Variants in ROCK1 observed in about 807,000 individuals in gnomAD.
ROCK1 encodes the protein rho-associated protein kinase 1.
Under a neutral mutation model 196.8 loss-of-function variants are expected in ROCK1, and 36 were observed. The ratio of observed to expected loss-of-function variants is 0.18; its 90% CI spans 0.14 to 0.24. The LOEUF is 0.24. Ranked by LOEUF, ROCK1 falls within the 10% of genes least tolerant of loss-of-function variation. The pLI is 1.00. For missense variants in ROCK1, 920 were observed against 1,562.0 expected (o/e 0.59, Z 6.93); for synonymous variants, 443 against 515.9 (o/e 0.86, Z 1.91).
intron 13 of ROCK1, among the ~76,000 whole-genome samples, chr18:21,011,209 T>C (rs541721770): frequency 1.3e-5 from 2 of 152,298 alleles, no homozygotes; most frequent in Admixed American, 6.5e-5. Context: ...GTTTTTGTTT[T>C]TTTGTTTGAT....
chr18:21,079,675 C>T (rs1377736106), intron 1 of ROCK1, among the ~76,000 whole-genome samples: 1 of 152,150 alleles, frequency 6.6e-6, no homozygotes, highest in Non-Finnish European at 1.5e-5. Context: ...CTGGAGCCCG[C>T]TTTAGCTCTG....
chr18:21,090,073 A>C lies in ROCK1; in HGVS notation c.94-19460T>G, dbSNP rs117171776. Among the ~76,000 whole-genome samples the C allele has an allele frequency of 4.6e-5, 7 of 152,326 alleles. No individual in the cohort carries two copies. The East Asian group carries it at 1.2e-3, about 25-fold the overall frequency. ...TGCACAGTTTGCAACATTAAAATTT[A>C]TTGGTCTATCTTCTACTTTGAATGG... On this transcript the variant is annotated intron_variant, in intron 1 of 32. Transcript: ENST00000399799.
At chr18:20,968,032 TTCTG>T in intron 25 of ROCK1, 92 bp from the exon 26 acceptor site, 1 of 1,174,152 alleles carries the variant, frequency 8.5e-7, no homozygotes, top group Non-Finnish European at 1.1e-6. Context: ...AAGCAGGACT[TTCTG>T]TGTGTATGAA....
chr18:21,049,723 C>T (rs113460173), intron 3 of ROCK1, 57 bp downstream of exon 3: 72 of 1,035,120 alleles, frequency 7.0e-5, no homozygotes, highest in Non-Finnish European at 1.0e-4. Flanking sequence ...GTTAAACACA[C>T]AAGTGGATTA....
intron 4 of ROCK1, 88 bp from the exon 5 acceptor site, chr18:21,045,555 AG>A: frequency 9.7e-7 from 1 of 1,026,106 alleles, no homozygotes; most frequent in African/African-American, 1.6e-5. Context: ...TGTTAATAAA[AG>A]ATTTAAGTAA....
At chr18:21,069,730 C>G (rs1201383254) in intron 2 of ROCK1, among the ~76,000 whole-genome samples, 1 of 151,966 alleles carries the variant, frequency 6.6e-6, no homozygotes, top group Admixed American at 6.6e-5. Flanking sequence ...GGGAGGTAAG[C>G]AACTGTAAAT....
At chr18:21,052,412 G>A (rs1306878619) in intron 2 of ROCK1, among the ~76,000 whole-genome samples, 1 of 152,170 alleles carries the variant, frequency 6.6e-6, no homozygotes, top group Non-Finnish European at 1.5e-5. Context: ...CCTATTTATT[G>A]TAAAGTAGTC....
rs562885545 is a variant in ROCK1, at chr18:21,044,559, C to A, written c.591-373G>T. On this transcript the variant is annotated intron_variant, in intron 5 of 32. Transcript: ENST00000399799. ...TCTAAGTCACTTTCATTTTTGATCC[C>A]TGACATGTAGGCACAGCAACTGCAC... Among the ~76,000 whole-genome samples the A allele has an allele frequency of 8.4e-4, 128 of 152,180 alleles. 1 individual carries two copies. The highest frequency in any genetic ancestry group is 6.8e-3 in the Middle Eastern group (2 of 294).
intron 22 of ROCK1, among the ~76,000 whole-genome samples, chr18:20,971,658 C>A (rs530549301): frequency 7.2e-6 from 1 of 139,850 alleles, no homozygotes; most frequent in African/African-American, 2.6e-5. Context: ...TGCAAGACTC[C>A]GTCTCAAAAA....
intron 9 of ROCK1, among the ~76,000 whole-genome samples, chr18:21,031,784 C>T (rs2036010337): frequency 1.3e-5 from 2 of 151,572 alleles, no homozygotes; most frequent in Non-Finnish European, 2.9e-5. Flanking sequence ...TGAAAGAGAT[C>T]GAAAATAGAA....
At chr18:21,049,039 C>T (rs1410408244) in intron 4 of ROCK1, 53 bp downstream of exon 4, 31 of 1,423,870 alleles carry the variant, frequency 2.2e-5, no homozygotes, top group Non-Finnish European at 2.8e-6. Context: ...GCTTCTCAGA[C>T]ATGTTTAGTT....
intron 2 of ROCK1, among the ~76,000 whole-genome samples, chr18:21,067,389 T>C (rs1342697544): frequency 1.4e-5 from 2 of 145,020 alleles, no homozygotes; most frequent in Non-Finnish European, 3.0e-5. Context: ...CACTCTTTTT[T>C]TTTTTTTTTT....
chr18:20,998,597 CTTT>C (rs541265477), intron 16 of ROCK1, among the ~76,000 whole-genome samples: 2 of 97,314 alleles, frequency 2.1e-5, no homozygotes, highest in African/African-American at 8.5e-5. Context: ...TTTTACCAAA[CTTT>C]TTTTTTTTTT....
At chr18:21,087,714 T>C (rs2036538967) in intron 1 of ROCK1, among the ~76,000 whole-genome samples, 2 of 152,014 alleles carry the variant, frequency 1.3e-5, no homozygotes, top group South Asian at 2.1e-4. Context: ...AATAGACAAA[T>C]CTACAATTTT....
chr18:21,059,923 A>G (rs1326190692), intron 2 of ROCK1, among the ~76,000 whole-genome samples: 1 of 152,266 alleles, frequency 6.6e-6, no homozygotes, highest in Non-Finnish European at 1.5e-5. Flanking sequence ...CAAAGAAGGC[A>G]GTCACAAAAG....
At chr18:21,039,702 A>G in intron 8 of ROCK1, 139 bp from the exon 9 acceptor site, 1 of 592,728 alleles carries the variant, frequency 1.7e-6, no homozygotes, top group Non-Finnish European at 3.0e-6. Flanking sequence ...TTGTCAGCAT[A>G]GTATCAGCCC....
At chr18:21,092,504 A>G (rs1282702512) in intron 1 of ROCK1, among the ~76,000 whole-genome samples, 1 of 148,688 alleles carries the variant, frequency 6.7e-6, no homozygotes, top group South Asian at 2.1e-4. Context: ...GGACTGCTTC[A>G]GCCTGGGAGG....
At chr18:21,023,220 CTTAAAAATG>C (rs911073996) in intron 11 of ROCK1, among the ~76,000 whole-genome samples, 1 of 152,116 alleles carries the variant, frequency 6.6e-6, no homozygotes, top group Non-Finnish European at 1.5e-5. Context: ...GAACTGCACA[CTTAAAAATG>C]ATTAAAACGG....
chr18:20,966,305 A>G (rs1306390686), intron 27 of ROCK1, among the ~76,000 whole-genome samples: 1 of 152,184 alleles, frequency 6.6e-6, no homozygotes. Context: ...TTATTTTTAA[A>G]TTGATTCTCC....
Sources: gnomAD v4.1 joint callset for allele counts (sites outside exome capture counted in the v4.1 genomes callset) on GRCh38, gnomAD v4.1.1 for gene constraint, MANE v1.5 for transcripts, NCBI Gene and HGNC (gene_info 2026-07-23, HGNC 2026-07-21) for gene names.